The following SUSD6 variants were observed in gnomAD, a reference collection of about 807,000 sequenced individuals.
SUSD6 encodes the protein sushi domain-containing protein 6.
A neutral mutation model predicts 28.4 loss-of-function variants in SUSD6; 16 were observed. The observed-to-expected ratio is 0.56, with a 90% CI of 0.38 to 0.86. The LOEUF (loss-of-function observed/expected upper bound fraction) is 0.86. Ranked by LOEUF, SUSD6 falls within the 40% of genes least tolerant of loss-of-function variation. The probability of loss-of-function intolerance (pLI) is 0.00; values close to 1 mark genes in which losing one functional copy is unlikely to be tolerated. For missense variants in SUSD6, 341 were observed against 384.2 expected (o/e 0.89, Z 0.94); for synonymous variants, 147 against 159.6 (o/e 0.92, Z 0.59).
At chr14:69,627,618 C>T (rs1329615924) in intron 1 of SUSD6, among the ~76,000 whole-genome samples, 1 of 152,162 alleles carries the variant, frequency 6.6e-6, no homozygotes, top group Non-Finnish European at 1.5e-5. Flanking sequence ...GCGCCCACCA[C>T]CACGCCTGGC....
chr14:69,689,697 C>T (rs1039923260), intron 2 of SUSD6, among the ~76,000 whole-genome samples: 12 of 152,332 alleles, frequency 7.9e-5, no homozygotes, highest in African/African-American at 2.9e-4. Flanking sequence ...GAGATGGAGT[C>T]TCGCTCTCAC....
At chr14:69,683,229 TG>T (rs1886024358) in intron 2 of SUSD6, among the ~76,000 whole-genome samples, 2 of 152,188 alleles carry the variant, frequency 1.3e-5, no homozygotes, top group South Asian at 4.2e-4. Context: ...AAGCAAGAGC[TG>T]GGATCTTTTT....
intron 1 of SUSD6, among the ~76,000 whole-genome samples, chr14:69,623,293 G>T (rs1885068315): frequency 6.6e-6 from 1 of 152,116 alleles, no homozygotes; most frequent in South Asian, 2.1e-4. Context: ...CATATATGAT[G>T]GTGGTTCCAT....
chr14:69,713,006 AAGC>A lies in SUSD6; in HGVS notation c.*2030_*2032del, dbSNP rs978629449. The A allele has an allele frequency of 6.6e-6, 1 of 152,246 alleles. No homozygotes were observed. Among genetic ancestry groups the A allele is most frequent in the Non-Finnish European group, 1.5e-5 (1 of 68,104 alleles). The allele number at this position is 152,246 out of a possible 1,614,324, so 9.4% of individuals were successfully genotyped here. ...TGCCCTTGTCTTCCTCCAAAACAGA[AAGC>A]AGTGACAAAAGGGGGAGGGGTGGTA... is the stretch of plus-strand genomic sequence containing the variant. On this transcript the variant is annotated 3_prime_UTR_variant, in exon 6 of 6. Coordinates refer to ENST00000342745, the MANE Select transcript of SUSD6 (RefSeq NM_014734.4).
chr14:69,643,052 A>G (rs1885376640), intron 1 of SUSD6, among the ~76,000 whole-genome samples: 1 of 151,612 alleles, frequency 6.6e-6, no homozygotes, highest in African/African-American at 2.4e-5. Flanking sequence ...TGGTCTGGAA[A>G]CTCTCAAGGG....
At position 69,648,088 on chromosome 14, in the gene SUSD6, T is replaced by A. The variant is rs1393326481; in HGVS notation, c.-80-10425T>A. The stretch of plus-strand genomic sequence containing the variant: ...TTTCAGATGATGATGACAATAATAA[T>A]GATAGATGGTGATGAATATAATAGT... On this transcript the variant is annotated intron_variant, in intron 1 of 5. Coordinates refer to ENST00000342745, the MANE Select transcript of SUSD6 (RefSeq NM_014734.4). 5.3e-5 allele frequency among the ~76,000 whole-genome samples: 8 copies of A among 152,236 alleles called. No individual in the cohort carries two copies. In the East Asian group the frequency reaches 1.5e-3, roughly 29 times the overall value.
rs528358665 is a variant in SUSD6 at position 69,688,011 on chromosome 14, A to G, written c.122-15384A>G. 2.6e-5 allele frequency among the ~76,000 whole-genome samples: 4 copies of G among 152,272 alleles called. No homozygotes were observed. In the South Asian group the frequency reaches 6.2e-4, roughly 24 times the overall value. ...GTTATACTCTTCTGTGTACACACAC[A>G]TTGTTTTATGAATTTGTATGCCCTT... On this transcript the variant is annotated intron_variant, in intron 2 of 5. Coordinates refer to ENST00000342745, the MANE Select transcript of SUSD6 (RefSeq NM_014734.4).
At chr14:69,681,008 AGTT>A (rs1440836899) in intron 2 of SUSD6, among the ~76,000 whole-genome samples, 1 of 152,176 alleles carries the variant, frequency 6.6e-6, no homozygotes, top group Non-Finnish European at 1.5e-5. Context: ...TGTTGGCCCC[AGTT>A]GTTTTGCAGC....
chr14:69,644,476 C>T (rs1885398103), intron 1 of SUSD6, among the ~76,000 whole-genome samples: 4 of 152,028 alleles, frequency 2.6e-5, no homozygotes, highest in Admixed American at 2.6e-4. Flanking sequence ...ATGGTGAAAC[C>T]CTGTCTCTTC....
chr14:69,688,328 T>C (rs1406358939), intron 2 of SUSD6, among the ~76,000 whole-genome samples: 1 of 152,218 alleles, frequency 6.6e-6, no homozygotes, highest in East Asian at 1.9e-4. Flanking sequence ...TGTAGTGTTA[T>C]TTTTCCCAGT....
chr14:69,689,304 A>G (rs370321520), intron 2 of SUSD6, among the ~76,000 whole-genome samples: 3 of 152,174 alleles, frequency 2.0e-5, no homozygotes, highest in African/African-American at 7.2e-5. Flanking sequence ...TTATCTTTCC[A>G]CCTGCCTACC....
chr14:69,684,996 C>T (rs1322932278), intron 2 of SUSD6, among the ~76,000 whole-genome samples: 1 of 152,234 alleles, frequency 6.6e-6, no homozygotes, highest in African/African-American at 2.4e-5. Flanking sequence ...GGCTGAGTAG[C>T]AGGGTGGCCC....
At chr14:69,695,278 G>A (rs1332820664) in intron 2 of SUSD6, among the ~76,000 whole-genome samples, 5 of 152,172 alleles carry the variant, frequency 3.3e-5, no homozygotes, top group Non-Finnish European at 2.9e-5. Context: ...TGGGACTCCT[G>A]CCTGTTTTCC....
chr14:69,656,287 T>G (rs902756219), intron 1 of SUSD6, among the ~76,000 whole-genome samples: 2 of 147,940 alleles, frequency 1.4e-5, no homozygotes, highest in Admixed American at 6.7e-5. Flanking sequence ...ACCTAAGCAC[T>G]ACCTTATGTG....
chr14:69,692,213 C>T (rs1886163899), intron 2 of SUSD6, among the ~76,000 whole-genome samples: 1 of 152,134 alleles, frequency 6.6e-6, no homozygotes, highest in Admixed American at 6.5e-5. Context: ...AAAAATGTGG[C>T]CCCACCTGAG....
intron 1 of SUSD6, among the ~76,000 whole-genome samples, chr14:69,620,464 A>G (rs1885020802): frequency 6.6e-6 from 1 of 152,248 alleles, no homozygotes; most frequent in Non-Finnish European, 1.5e-5. Flanking sequence ...GTTGTGAACA[A>G]AGAACAAAAT....
chr14:69,652,413 A>G (rs531078096), intron 1 of SUSD6, among the ~76,000 whole-genome samples: 3 of 152,092 alleles, frequency 2.0e-5, no homozygotes, highest in Non-Finnish European at 4.4e-5. Context: ...TGCCACTCCC[A>G]CTGCACTCCA....
intron 2 of SUSD6, among the ~76,000 whole-genome samples, chr14:69,689,962 G>C: frequency 6.6e-6 from 1 of 152,224 alleles, no homozygotes; most frequent in East Asian, 1.9e-4. Flanking sequence ...CACCATGCCC[G>C]TGTTTTTTTA....
chr14:69,703,455 G>C lies in SUSD6; in HGVS notation c.182G>C (p.Arg61Thr), dbSNP rs1594723833. 1 of 1,614,168 alleles carries C rather than the reference G, an allele frequency of 6.2e-7. No individual in the cohort carries two copies. Among genetic ancestry groups the C allele is most frequent in the Non-Finnish European group, 8.5e-7 (1 of 1,180,016 alleles). ...TACATCTGCCACCCCCGGCCCTGCAGAGACCCCCTGACAGCAGGCAGTGTC... is the reference window on the plus strand; with the variant it reads ...TACATCTGCCACCCCCGGCCCTGCACAGACCCCCTGACAGCAGGCAGTGTC... ...GGYICHPRPC[R>T]DPLTAGSVIE... is the part of the protein sequence containing the mutation. Residue 61 changes from arginine (R) to threonine (T), a missense_variant, in exon 3 of 6, where the codon AGA (arginine) becomes ACA (threonine). Arg to Thr is a moderately conservative substitution (Grantham distance 71, BLOSUM62 -1). Coordinates refer to ENST00000342745, the MANE Select transcript of SUSD6 (RefSeq NM_014734.4).
Sources: gnomAD v4.1 joint callset for allele counts (sites outside exome capture counted in the v4.1 genomes callset) on GRCh38, gnomAD v4.1.1 for gene constraint, MANE v1.5 for transcripts, NCBI Gene and HGNC (gene_info 2026-07-23, HGNC 2026-07-21) for gene names.